The following RPS2 variants were observed in gnomAD, a reference collection of about 807,000 sequenced individuals.
The protein encoded by RPS2 is small ribosomal subunit protein uS5.
A neutral mutation model predicts 25.3 loss-of-function variants in RPS2; 8 were observed. The observed-to-expected ratio is 0.32, with a 90% CI of 0.19 to 0.57. RPS2 has a LOEUF of 0.57. Ranked by LOEUF, RPS2 falls within the 20% of genes least tolerant of loss-of-function variation. The probability of loss-of-function intolerance (pLI) is 0.90; values close to 1 mark genes in which losing one functional copy is unlikely to be tolerated. For missense variants in RPS2, 229 were observed against 408.1 expected (o/e 0.56, Z 3.78); for synonymous variants, 181 against 161.3 (o/e 1.12, Z -0.92).
At chr16:1,962,361 G>T (rs555460828) in intron 6 of RPS2, 91 bp from the exon 7 acceptor site, 2 of 1,384,588 alleles carry the variant, frequency 1.4e-6, no homozygotes, top group East Asian at 4.6e-5. Flanking sequence ...GAACAGAGAG[G>T]CCATTCTGGG....
In RPS2 at chr16:1,962,716, A is replaced by T. The variant is rs1597037117; in HGVS notation, c.549+20T>A. 6.3e-7 allele frequency: 1 copy of T among 1,591,728 alleles called. No homozygotes were observed. Among genetic ancestry groups the T allele is most frequent in the South Asian group, 1.1e-5 (1 of 89,226 alleles). ...AGGGAGCCTGCCCCACGGCAGGCCC[A>T]TCACCTGCCACCAGCCTACCTTGCA... On this transcript the variant is annotated intron_variant, in intron 5 of 6. Transcript: ENST00000343262.
rs1473046342 is a variant in RPS2 at position 1,962,086 on chromosome 16, T to C, written c.*12A>G. The C allele has an allele frequency of 1.3e-6, 2 of 1,538,756 alleles. No individual in the cohort carries two copies. The highest frequency in any genetic ancestry group is 1.7e-6 in the Non-Finnish European group (2 of 1,147,596). On this transcript the variant is annotated 3_prime_UTR_variant, in exon 7 of 7. Transcript: ENST00000343262. ...CACGCTTAATTCACTTTATTTTTCT[T>C]GTATAAAAACCCTATGTTGTAGCCA...
chr16:1,963,346 G>A (rs571724339), intron 3 of RPS2, 90 bp from the exon 4 acceptor site: 73 of 826,998 alleles, frequency 8.8e-5, no homozygotes, highest in Middle Eastern at 7.4e-4. Context: ...GGCCGGGGGC[G>A]GTGGCTCAAG....
intron 3 of RPS2, chr16:1,963,711 AC>A (rs1330769621): frequency 2.3e-6 from 1 of 431,172 alleles, no homozygotes; most frequent in Admixed American, 2.6e-5. Context: ...ATGTAAGGTT[AC>A]CCTATTTCTG....
intron 3 of RPS2, 118 bp from the exon 4 acceptor site, chr16:1,963,374 T>C (rs1411647885): frequency 3.1e-5 from 20 of 642,644 alleles, no homozygotes; most frequent in East Asian, 1.1e-4. Flanking sequence ...TCCCAGCACT[T>C]TGGGAGACTG....
Position 1,963,630 on chromosome 16 carries a change from G to A in RPS2, c.268-374C>T, listed in dbSNP as rs925878325. ...CCGCCCACCCCGCCCAAAAAAAACC[G>A]AAGAAGTCATGAACCCCCTCACCTG... On this transcript the variant is annotated intron_variant, in intron 3 of 6. Transcript: ENST00000343262. 61 of 246,398 alleles carry A rather than the reference G, an allele frequency of 2.5e-4. 1 individual carries two copies. Among genetic ancestry groups the A allele is most frequent in the South Asian group, 2.3e-3 (56 of 24,070 alleles). The allele number at this position is 246,398 out of a possible 1,614,324, so 15.3% of individuals were successfully genotyped here.
chr16:1,963,098 CGAGA>C, intron 4 of RPS2, 47 bp downstream of exon 4: 1 of 1,466,016 alleles, frequency 6.8e-7, no homozygotes, highest in South Asian at 1.1e-5. Flanking sequence ...TATGCAGAGC[CGAGA>C]GAGTCCCGGC....
chr16:1,962,977 G>A, intron 4 of RPS2, 68 bp from the exon 5 acceptor site: 2 of 1,535,866 alleles, frequency 1.3e-6, no homozygotes, highest in African/African-American at 1.4e-5. Context: ...CCCAGGGCCT[G>A]TTGCACCCCT....
chr16:1,964,396 A>C, intron 2 of RPS2, 31 bp from the exon 3 acceptor site: 11 of 1,613,094 alleles, frequency 6.8e-6, no homozygotes, highest in Non-Finnish European at 9.3e-6. Context: ...AGTGACCAGG[A>C]CCGCTCTCCG....
intron 3 of RPS2, chr16:1,963,635 A>G (rs2083278738): frequency 3.0e-6 from 1 of 336,862 alleles, no homozygotes; most frequent in African/African-American, 2.2e-5. Context: ...AAACCGAAGA[A>G]GTCATGAACC....
Position 1,964,470 on chromosome 16 carries a change from TCCG to T in RPS2, c.153_155del (p.Gly53del), listed in dbSNP as rs1214925200. 6.2e-6 allele frequency: 10 copies of T among 1,609,286 alleles called. No homozygotes were observed. The highest frequency in any genetic ancestry group is 7.6e-6 in the Non-Finnish European group (9 of 1,178,856). On this transcript the variant is annotated inframe_deletion, in exon 2 of 7. Transcript: ENST00000343262. ...CTACCTCCTTATCCTCGGCCTTGCC[TCCG>T]CGAGCTCCGCGGCCTCGGCCCCGGC...
intron 1 of RPS2, 37 bp from the exon 2 acceptor site, chr16:1,964,665 C>T: frequency 8.8e-7 from 1 of 1,130,836 alleles, no homozygotes; most frequent in Non-Finnish European, 1.2e-6. Flanking sequence ...GTCAGTGTGG[C>T]CTACGCATCT....
chr16:1,964,421 C>A, intron 2 of RPS2, 28 bp downstream of exon 2: 2 of 1,612,702 alleles, frequency 1.2e-6, no homozygotes, highest in Non-Finnish European at 1.7e-6. Context: ...CGCCCAGGGG[C>A]CCGACCCCGA....
At chr16:1,964,116 A>C (rs1350128222) in intron 3 of RPS2, 160 bp downstream of exon 3, 1 of 624,192 alleles carries the variant, frequency 1.6e-6, no homozygotes. Flanking sequence ...CCAACCTCTA[A>C]GTGGAATCCT....
rs1227600615 is a variant in RPS2 at position 1,962,798 on chromosome 16, C to T, written c.487G>A (p.Val163Ile). 38 of 1,611,242 alleles carry T rather than the reference C, an allele frequency of 2.4e-5. No individual in the cohort carries two copies. The highest frequency in any genetic ancestry group is 4.0e-5 in the African/African-American group (3 of 74,898). Residue 163 changes from valine (V) to isoleucine (I), a missense_variant, in exon 5 of 7, where the codon GTC (valine) becomes ATC (isoleucine). Val to Ile is a conservative substitution (Grantham distance 29, BLOSUM62 3). Transcript: ENST00000343262. ...CCCCAGTAGCCTCTGCGCACGGGGACGATGGAGAGCTTGGCCAGGATGATG... is the reference window on the plus strand; with the variant it reads ...CCCCAGTAGCCTCTGCGCACGGGGATGATGGAGAGCTTGGCCAGGATGATG... ...GAIILAKLSI[V>I]PVRRGYWGNK...
intron 3 of RPS2, chr16:1,963,810 C>T (rs776527056): frequency 3.1e-5 from 14 of 458,622 alleles, no homozygotes; most frequent in Non-Finnish European, 6.1e-5. Context: ...CTTTGTCCAG[C>T]TTTGGCCTAG....
At position 1,964,562 on chromosome 16, in the gene RPS2, G is replaced by A; in HGVS notation, c.64C>T (p.Arg22Cys). 4 of 1,589,762 alleles carry A rather than the reference G, an allele frequency of 2.5e-6. No homozygotes were observed. The highest frequency in any genetic ancestry group is 3.4e-6 in the Non-Finnish European group (4 of 1,169,084). ...CCGAAACCTCCGCGGAAGCCACCGC[G>A]GTTCCCCATCCCAGGGCCACCAGGG... ...GGPGGPGMGN[R>C]GGFRGGFGSG... The change falls in exon 2 of 7, where the codon CGC (arginine) becomes TGC (cysteine). Residue 22 changes from arginine (R) to cysteine (C), a missense_variant. By Grantham distance (180) the Arg-to-Cys change is radical (BLOSUM62 -3). This residue lies in a region of RPS2 where 70 missense variants were observed against 119.0 expected (regional missense o/e 0.59). Coordinates refer to ENST00000343262, the MANE Select transcript of RPS2 (RefSeq NM_002952.4).
In RPS2 at chr16:1,962,076, T is replaced by G. The variant is rs1485483604; in HGVS notation, c.*22A>C. 1 of 1,530,600 alleles carries G rather than the reference T, an allele frequency of 6.5e-7. No homozygotes were observed. Among genetic ancestry groups the G allele is most frequent in the South Asian group, 1.2e-5 (1 of 83,168 alleles). The allele number at this position is 1,530,600 out of a possible 1,614,324, so 94.8% of individuals were successfully genotyped here. ...AAAACAGTAACACGCTTAATTCACT[T>G]TATTTTTCTTGTATAAAAACCCTAT... On this transcript the variant is annotated 3_prime_UTR_variant, in exon 7 of 7. Transcript: ENST00000343262.
chr16:1,963,058 G>T (rs747440346), intron 4 of RPS2, 91 bp downstream of exon 4: 6 of 1,372,064 alleles, frequency 4.4e-6, no homozygotes, highest in African/African-American at 1.4e-5. Flanking sequence ...TCCCCGTTAC[G>T]AAAGTCACAC....
Sources: allele counts gnomAD v4.1 joint callset, GRCh38; gene constraint gnomAD v4.1.1; regional missense constraint gnomAD v4.1.1; transcripts MANE v1.5; gene names NCBI Gene and HGNC (gene_info 2026-07-23, HGNC 2026-07-21).